Variants in MSANTD2 observed in about 807,000 individuals in gnomAD.
MSANTD2 encodes the protein Myb/SANT DNA binding domain containing 2.
In MSANTD2, 19 loss-of-function variants were observed where a neutral mutation model predicts 52.6. The observed-to-expected ratio is 0.36, with a 90% CI of 0.25 to 0.53. The LOEUF (loss-of-function observed/expected upper bound fraction) is 0.53. Among genes scored for constraint, MSANTD2 ranks in the 20% least tolerant of loss-of-function variants. The pLI is 0.91. For synonymous variants in MSANTD2, 291 were observed against 289.7 expected (o/e 1.00, Z -0.04); for missense variants, 558 against 716.3 (o/e 0.78, Z 2.52).
intron 1 of MSANTD2, chr11:124,789,519 A>C (rs1362213056): frequency 6.6e-6 from 1 of 152,218 alleles, no homozygotes; most frequent in Non-Finnish European, 1.5e-5. Flanking sequence ...CATAAAATAA[A>C]ATGATGGCTG....
In MSANTD2 at chr11:124,767,089, C is replaced by A. The variant is rs867416781; in HGVS notation, c.*87G>T. 1.5e-6 allele frequency: 2 copies of A among 1,312,386 alleles called. No homozygotes were observed. Among genetic ancestry groups the A allele is most frequent in the Middle Eastern group, 2.7e-4 (1 of 3,700 alleles). 81.3% of individuals were successfully genotyped at this position (1,312,386 alleles called of 1,614,324 possible). ...AGGGTTTCCATGAAGAGTCTGACGGCGGCATCTGGATGAGGGGTGGTCCGG... is the reference window on the plus strand; with the variant it reads ...AGGGTTTCCATGAAGAGTCTGACGGAGGCATCTGGATGAGGGGTGGTCCGG... On this transcript the variant is annotated 3_prime_UTR_variant, in exon 4 of 4. Transcript: ENST00000374979. This position sits in a 1 kb window ranked among gnomAD's most constrained non-coding sequence, Gnocchi z 6.5.
chr11:124,766,732 CTTAT>C lies in MSANTD2; in HGVS notation c.*440_*443del, dbSNP rs1421219805. On this transcript the variant is annotated 3_prime_UTR_variant, in exon 4 of 4. Transcript: ENST00000374979. ...AGATTTAACTTGCCATTATCTATTG[CTTAT>C]TTATTCAGGGTTGTAAATATTACTT... The C allele has an allele frequency of 1.3e-5, 2 of 153,410 alleles. No homozygotes were observed. The highest frequency in any genetic ancestry group is 2.9e-5 in the Non-Finnish European group (2 of 68,772). 9.5% of individuals were successfully genotyped at this position (153,410 alleles called of 1,614,324 possible).
chr11:124,784,888 A>G (rs1444673151), intron 1 of MSANTD2, among the ~76,000 whole-genome samples: 3 of 152,244 alleles, frequency 2.0e-5, no homozygotes, highest in Non-Finnish European at 4.4e-5. Flanking sequence ...AAATGTAAAC[A>G]TTCAAAAAAT....
Position 124,767,254 on chromosome 11 carries a change from C to G in MSANTD2, c.1602G>C (p.Glu534Asp). 2 of 1,614,164 alleles carry G rather than the reference C, an allele frequency of 1.2e-6. No individual in the cohort carries two copies. Residue 534 changes from glutamate (E) to aspartate (D), a missense_variant, in exon 4 of 4, where the codon GAG becomes GAC. By Grantham distance (45) the Glu-to-Asp change is conservative. Coordinates refer to ENST00000374979, the MANE Select transcript of MSANTD2 (RefSeq NM_001308027.2). This position sits in a 1 kb window ranked among gnomAD's most constrained non-coding sequence, Gnocchi z 6.5. The stretch of plus-strand genomic sequence containing the variant: ...AAGAGCCTGCGGAAAGAAAATCCCT[C>G]TCTACTTCTACAAATTTGATGTAGA... ...KSIYIKFVEVERDFLSAGSLV... is the reference protein window; with the variant it reads ...KSIYIKFVEVDRDFLSAGSLV...
At chr11:124,792,150 C>T (rs1945352413) in intron 1 of MSANTD2, 1 of 154,104 alleles carries the variant, frequency 6.5e-6, no homozygotes, top group Non-Finnish European at 1.4e-5. Context: ...TTCCAGTATA[C>T]AAATTAAGAA....
At chr11:124,798,260 AT>A (rs1040420120) in intron 1 of MSANTD2, among the ~76,000 whole-genome samples, 2 of 144,714 alleles carry the variant, frequency 1.4e-5, no homozygotes, top group African/African-American at 5.2e-5. Context: ...AAAAAAAAAA[AT>A]TTAATGAGCC....
At chr11:124,788,504 T>C (rs532832245) in intron 1 of MSANTD2, among the ~76,000 whole-genome samples, 1 of 152,364 alleles carries the variant, frequency 6.6e-6, no homozygotes, top group South Asian at 2.1e-4. Flanking sequence ...AATTTTATAG[T>C]GTGCTTATAT....
In MSANTD2 at chr11:124,779,009, T is replaced by G. The variant is rs61910628; in HGVS notation, c.511-4035A>C. 5.3e-5 allele frequency: 8 copies of G among 152,094 alleles called. No homozygotes were observed. The highest frequency in any genetic ancestry group is 1.0e-4 in the Non-Finnish European group (7 of 68,026). The allele number at this position is 152,094 out of a possible 1,614,324, so 9.4% of individuals were successfully genotyped here. On this transcript the variant is annotated intron_variant, in intron 1 of 3. Transcript: ENST00000374979. This position sits in a 1 kb window ranked among gnomAD's most constrained non-coding sequence, Gnocchi z 4.6. ...GCACAATGCAGCTATCTTGCCAAAG[T>G]AAGTAAATCCAGTATTGGGTTGTAT...
intron 3 of MSANTD2, among the ~76,000 whole-genome samples, chr11:124,770,882 G>A (rs568469045): frequency 2.3e-3 from 341 of 149,886 alleles, no homozygotes; most frequent in Non-Finnish European, 3.8e-3. Flanking sequence ...ACAGGCACCC[G>A]CTACCATCCC....
chr11:124,777,500 C>G (rs1260316080), intron 1 of MSANTD2, among the ~76,000 whole-genome samples: 1 of 152,218 alleles, frequency 6.6e-6, no homozygotes, highest in Admixed American at 6.5e-5. Context: ...CTCTTTGGAA[C>G]CACCAAATTG....
At position 124,774,834 on chromosome 11, in the gene MSANTD2, A is replaced by C; in HGVS notation, c.651T>G (p.Ser217Arg). 1 of 1,614,152 alleles carries C rather than the reference A, an allele frequency of 6.2e-7. No homozygotes were observed. Among genetic ancestry groups the C allele is most frequent in the East Asian group, 2.2e-5 (1 of 44,888 alleles). Residue 217 changes from serine (S) to arginine (R), a missense_variant, in exon 2 of 4, where the codon AGT (serine) becomes AGG (arginine). Ser to Arg is a moderately radical substitution (Grantham distance 110, BLOSUM62 -1). Transcript: ENST00000374979. The surrounding 1 kb of genome is among the most constrained non-coding windows in gnomAD (Gnocchi z 5.1). Reference protein sequence around the residue: ...AQPCQPVLINSSGLYQELESD... With the variant: ...AQPCQPVLINRSGLYQELESD... ...ACTCCAGCTCCTGGTACAAGCCACT[A>C]CTGTTAATAAGTACAGGCTGGCAGG...
intron 3 of MSANTD2, among the ~76,000 whole-genome samples, chr11:124,769,222 C>T (rs925575219): frequency 2.6e-5 from 4 of 152,178 alleles, no homozygotes; most frequent in African/African-American, 7.2e-5. Context: ...CTCAGTCTGT[C>T]CTCTCGCTCT....
At chr11:124,795,068 C>G (rs1945452202) in intron 1 of MSANTD2, among the ~76,000 whole-genome samples, 1 of 152,020 alleles carries the variant, frequency 6.6e-6, no homozygotes, top group South Asian at 2.1e-4. Flanking sequence ...TTGGTAGAGA[C>G]AGGTGTCACC....
chr11:124,788,728 T>G (rs531961675), intron 1 of MSANTD2, among the ~76,000 whole-genome samples: 167 of 152,298 alleles, frequency 1.1e-3, no homozygotes, highest in Non-Finnish European at 1.9e-3. Context: ...TGAGTAAGAA[T>G]GTAGCACTTT....
chr11:124,791,569 G>C, intron 1 of MSANTD2: 1 of 1,303,166 alleles, frequency 7.7e-7, no homozygotes, highest in Non-Finnish European at 1.1e-6. Flanking sequence ...ATGTGACCCT[G>C]AGCTGCCAGT....
chr11:124,799,968 C>T lies in MSANTD2; in HGVS notation c.413G>A (p.Ser138Asn). The T allele has an allele frequency of 1.3e-6, 2 of 1,585,016 alleles. No homozygotes were observed. Among genetic ancestry groups the T allele is most frequent in the Non-Finnish European group, 1.7e-6 (2 of 1,174,740 alleles). Residue 138 changes from serine (S) to asparagine (N), a missense_variant, in exon 1 of 4, where the codon AGC becomes AAC. By Grantham distance (46) the Ser-to-Asn change is conservative (BLOSUM62 1). Coordinates refer to ENST00000374979, the MANE Select transcript of MSANTD2 (RefSeq NM_001308027.2). ...QLEGAGTVFG[S>N]KAPGPAMYER... is the part of the protein sequence containing the mutation. ...GTACATGGCTGGCCCGGGGGCCTTG[C>T]TGCCGAACACCGTGCCGGCTCCCTC...
At chr11:124,798,776 T>C (rs1170875846) in intron 1 of MSANTD2, among the ~76,000 whole-genome samples, 1 of 152,166 alleles carries the variant, frequency 6.6e-6, no homozygotes, top group African/African-American at 2.4e-5. Flanking sequence ...TAATTGTTCT[T>C]GGTGGTTTTT....
At chr11:124,792,010 A>G (rs66925099) in intron 1 of MSANTD2, 18,305 of 165,014 alleles carry the variant, frequency 0.11, 1,077 homozygotes, top group East Asian at 0.18. Context: ...TGTGTTGGCT[A>G]TAATCACTGT....
At position 124,767,499 on chromosome 11, in the gene MSANTD2, C is replaced by T; in HGVS notation, c.1357G>A (p.Asp453Asn). 1.2e-6 allele frequency: 2 copies of T among 1,614,156 alleles called. No homozygotes were observed. The highest frequency in any genetic ancestry group is 1.7e-6 in the Non-Finnish European group (2 of 1,180,010). The change falls in exon 4 of 4, where the codon GAC becomes AAC. Residue 453 changes from aspartate (D) to asparagine (N), a missense_variant. Asp to Asn is a conservative substitution (Grantham distance 23). This residue lies in a region of MSANTD2 where 408 missense variants were observed against 573.6 expected (regional missense o/e 0.71). Transcript: ENST00000374979. This position sits in a 1 kb window ranked among gnomAD's most constrained non-coding sequence, Gnocchi z 6.5. ...GCTTGTGCTGAAAGGGTTTCCAGGT[C>T]AACCCGGCCCTCTTTTCCTGGGTCC... ...SLDPGKEGRVDLETLSAQASL... is the reference protein window; with the variant it reads ...SLDPGKEGRVNLETLSAQASL...
Sources: allele counts gnomAD v4.1 joint callset (sites outside exome capture counted in the v4.1 genomes callset), GRCh38; gene constraint gnomAD v4.1.1; regional missense constraint gnomAD v4.1.1; non-coding constraint Gnocchi (gnomAD v3.1); transcripts MANE v1.5; gene names NCBI Gene and HGNC (gene_info 2026-07-23, HGNC 2026-07-21).